MRPL39: variants seen among roughly 807,000 people sequenced by gnomAD.
MRPL39 encodes the protein mitochondrial ribosomal protein L39.
In MRPL39, 35 loss-of-function variants were observed where a neutral mutation model predicts 44.5. That is an observed-to-expected ratio of 0.79 (90% CI 0.60 to 1.04). The LOEUF (loss-of-function observed/expected upper bound fraction) is 1.04. Ranked by LOEUF, MRPL39 falls within the 50% of genes least tolerant of loss-of-function variation. The pLI is 0.00. For synonymous variants in MRPL39, 139 were observed against 136.1 expected (o/e 1.02, Z -0.15); for missense variants, 433 against 413.5 (o/e 1.05, Z -0.41).
chr21:25,587,443 A>G (rs536834924), intron 9 of MRPL39, among the ~76,000 whole-genome samples: 1 of 152,348 alleles, frequency 6.6e-6, no homozygotes, highest in African/African-American at 2.4e-5. Context: ...TCCCTAAACA[A>G]TAATTCCTAT....
At chr21:25,593,033 A>ATC (rs2031233307) in intron 7 of MRPL39, 68 bp from the exon 8 acceptor site, 1 of 1,361,490 alleles carries the variant, frequency 7.3e-7, no homozygotes, top group Admixed American at 2.2e-5. Context: ...TGAAAAAGAA[A>ATC]TCTCTTCCTT....
At chr21:25,587,701 T>A in intron 9 of MRPL39, 1 of 1,591,886 alleles carries the variant, frequency 6.3e-7, no homozygotes, top group East Asian at 2.2e-5. Context: ...TAGAGATTAC[T>A]CTGAGACTGT....
chr21:25,606,791 G>T (rs1205949569), intron 1 of MRPL39, 136 bp from the exon 2 acceptor site: 1 of 651,406 alleles, frequency 1.5e-6, no homozygotes, highest in East Asian at 2.8e-5. Context: ...GCCCAGATAC[G>T]TGCCTCTACT....
chr21:25,606,718 G>T, intron 1 of MRPL39, 63 bp from the exon 2 acceptor site: 1 of 1,333,834 alleles, frequency 7.5e-7, no homozygotes, highest in Non-Finnish European at 1.1e-6. Flanking sequence ...CCAAAAGTGC[G>T]CTCAGAGGTA....
rs3989369 is a variant in MRPL39, at chr21:25,606,638, A to G, written c.91T>C (p.Ser31Pro). The G allele has an allele frequency of 0.95, 1,526,130 of 1,612,312 alleles. 723,417 individuals are homozygous for G. Among genetic ancestry groups the G allele is most frequent in the East Asian group, 0.98 (43,815 of 44,878 alleles). ...TCTGTCGGTGACAGCTGAGAAGCTG[A>G]CGATGTTGCTATAAATCCTGTGGAG... ...GIKWRFIATS[S>P]ASQLSPTELT... Residue 31 changes from serine (S) to proline (P), a missense_variant, in exon 2 of 10, where the codon TCA becomes CCA. By Grantham distance (74) the Ser-to-Pro change is moderately conservative (BLOSUM62 -1). Transcript: ENST00000352957.
intron 9 of MRPL39, 95 bp downstream of exon 9, chr21:25,588,740 T>G: frequency 8.5e-7 from 1 of 1,181,218 alleles, no homozygotes; most frequent in Non-Finnish European, 1.2e-6. Context: ...TCCTTTCTCT[T>G]TGTTTCTTTC....
chr21:25,585,883 A>G (rs998604526), intron 9 of MRPL39, 129 bp from the exon 10 acceptor site: 2 of 630,362 alleles, frequency 3.2e-6, no homozygotes, highest in Non-Finnish European at 5.5e-6. Flanking sequence ...AGTAGAATAG[A>G]AAGTTAGGTA....
chr21:25,593,840 A>G, intron 7 of MRPL39, 53 bp downstream of exon 7: 2 of 1,479,948 alleles, frequency 1.4e-6, no homozygotes, highest in Non-Finnish European at 1.9e-6. Flanking sequence ...TCAGATAACA[A>G]TAAAGCTAAG....
intron 7 of MRPL39, among the ~76,000 whole-genome samples, 176 bp from the exon 8 acceptor site, chr21:25,593,141 A>T (rs933539552): frequency 5.3e-5 from 8 of 152,168 alleles, no homozygotes; most frequent in African/African-American, 1.7e-4. Context: ...AGAGGCTAAA[A>T]CTTTGAAAAT....
intron 8 of MRPL39, among the ~76,000 whole-genome samples, chr21:25,589,791 G>C (rs569420079): frequency 3.5e-4 from 51 of 147,142 alleles, no homozygotes; most frequent in Non-Finnish European, 6.7e-4. Context: ...TCCAGGGAAA[G>C]AGCTGACTGG....
chr21:25,606,011 GCA>G (rs1286347473), intron 2 of MRPL39, among the ~76,000 whole-genome samples: 1 of 152,306 alleles, frequency 6.6e-6, no homozygotes, highest in East Asian at 1.9e-4. Context: ...GACAATCTGT[GCA>G]CTACAGTGCC....
In MRPL39 at chr21:25,587,921, T is replaced by A. The variant is rs192546152; in HGVS notation, c.969+914A>T. 17 of 693,428 alleles carry A rather than the reference T, an allele frequency of 2.5e-5. 1 individual carries two copies. Among genetic ancestry groups the A allele is most frequent in the Middle Eastern group, 3.1e-4 (1 of 3,200 alleles). The allele number at this position is 693,428 out of a possible 1,614,324, so 43.0% of individuals were successfully genotyped here. Reference sequence around the variant, plus strand: ...AATTAGGATAAGGAGGAAGTCCTAATGAGGACAGATTACACAGGACAGCTA... The same window carrying A: ...AATTAGGATAAGGAGGAAGTCCTAAAGAGGACAGATTACACAGGACAGCTA... On this transcript the variant is annotated intron_variant, in intron 9 of 9. Transcript: ENST00000352957.
rs770133672 is a variant in MRPL39 at position 25,597,380 on chromosome 21, G to A, written c.623C>T (p.Ala208Val). 2.2e-5 allele frequency: 35 copies of A among 1,598,066 alleles called. No individual in the cohort carries two copies. The Middle Eastern group carries it at 5.6e-4, about 26-fold the overall frequency. The change falls in exon 6 of 10, where the codon GCT becomes GTT. Residue 208 changes from alanine (A) to valine (V), a missense_variant. Coordinates refer to ENST00000352957, the MANE Select transcript of MRPL39 (RefSeq NM_017446.4). ...AAATGGAAGATCTTTATAAATTAAA[G>A]CATGAGCATCTTTTGTGAAGGAACG... ...NLRSFTKDAH[A>V]LIYKDLPFET...
In MRPL39 at chr21:25,607,444, A is replaced by T. The variant is rs755816400; in HGVS notation, c.32T>A (p.Leu11Gln). 1 of 1,613,082 alleles carries T rather than the reference A, an allele frequency of 6.2e-7. No homozygotes were observed. Among genetic ancestry groups the T allele is most frequent in the Non-Finnish European group, 8.5e-7 (1 of 1,179,920 alleles). The stretch of plus-strand genomic sequence containing the variant: ...ACCGGGTGCGACCAGCCAGAGCCGC[A>T]GCGCCCGGGAACCCATGGCCAGCGC... MEALAMGSRA[L>Q]RLWLVAPGGG... Residue 11 changes from leucine (L) to glutamine (Q), a missense_variant, in exon 1 of 10, where the codon CTG becomes CAG. Coordinates refer to ENST00000352957, the MANE Select transcript of MRPL39 (RefSeq NM_017446.4).
intron 5 of MRPL39, among the ~76,000 whole-genome samples, chr21:25,599,364 G>A (rs2031454335): frequency 6.6e-6 from 1 of 152,136 alleles, no homozygotes; most frequent in Admixed American, 6.5e-5. Flanking sequence ...AAGTTAAAAT[G>A]GTTTAGGGGA....
At chr21:25,591,079 C>CAAAAAAAAAAAAAAAA in intron 8 of MRPL39, among the ~76,000 whole-genome samples, 1 of 129,144 alleles carries the variant, frequency 7.7e-6, no homozygotes, top group Admixed American at 7.9e-5. Flanking sequence ...CTATAGCCCA[C>CAAAAAAAAAAAAAAAA]AAAAAAAAAA....
In MRPL39 at chr21:25,597,422, A is replaced by G. The variant is rs1398068463; in HGVS notation, c.589-8T>C. On this transcript the variant is annotated splice_polypyrimidine_tract_variant and splice_region_variant and intron_variant, in intron 5 of 9. Coordinates refer to ENST00000352957, the MANE Select transcript of MRPL39 (RefSeq NM_017446.4). ...GAAGGAACGTAAGTTCTCCTTAAAA[A>G]TGAAAGTAATAACCTTTAGTAACAA... 1 of 1,445,796 alleles carries G rather than the reference A, an allele frequency of 6.9e-7. No homozygotes were observed. The highest frequency in any genetic ancestry group is 9.6e-7 in the Non-Finnish European group (1 of 1,040,788). The allele number at this position is 1,445,796 out of a possible 1,614,324, so 89.6% of individuals were successfully genotyped here.
chr21:25,593,444 T>C lies in MRPL39; in HGVS notation c.767+449A>G, dbSNP rs74341294. On this transcript the variant is annotated intron_variant, in intron 7 of 9. Transcript: ENST00000352957. ...CTGCAGAATGCATTGTCTTGGGACT[T>C]GCTCCCCATGGGAGAACGTCATCAT... 1.3e-3 allele frequency among the ~76,000 whole-genome samples: 191 copies of C among 152,366 alleles called. 2 individuals carry two copies. The highest frequency in any genetic ancestry group is 4.5e-3 in the African/African-American group (187 of 41,596).
At chr21:25,607,577 A>G, upstream of MRPL39, 1 of 1,227,286 alleles carries the variant, frequency 8.1e-7, no homozygotes, top group Non-Finnish European at 1.1e-6. Context: ...TTCCGGACCC[A>G]GCACTCAGAC....
Sources: allele counts gnomAD v4.1 joint callset (sites outside exome capture counted in the v4.1 genomes callset), GRCh38; gene constraint gnomAD v4.1.1; transcripts MANE v1.5; gene names NCBI Gene and HGNC (gene_info 2026-07-23, HGNC 2026-07-21).